CELF4: variants seen among roughly 807,000 people sequenced by gnomAD.
CELF4 encodes the protein CUG-BP- and ETR-3-like factor 4.
A neutral mutation model predicts 59.9 loss-of-function variants in CELF4; 18 were observed. The observed-to-expected ratio is 0.30, with a 90% CI of 0.21 to 0.45. The LOEUF is 0.45. CELF4 is among the 20% of genes least tolerant of loss of function. The pLI is 1.00. For synonymous variants in CELF4, 261 were observed against 267.1 expected (o/e 0.98, Z 0.22); for missense variants, 456 against 689.0 (o/e 0.66, Z 3.79).
chr18:37,317,921 G>A (rs770858496), intron 3 of CELF4, among the ~76,000 whole-genome samples: 1 of 152,178 alleles, frequency 6.6e-6, no homozygotes, highest in Non-Finnish European at 1.5e-5. Context: ...CCTGAGATGG[G>A]GGATGAGAAG....
rs561823142 is a variant in CELF4 at position 37,559,296 on chromosome 18, G to C, written c.286+6060C>G. On this transcript the variant is annotated intron_variant, in intron 1 of 12. Transcript: ENST00000420428. ...CACTTGCATCTGTCATCTCTTCCCT[G>C]TGTGTGTGTATGCACACACACATGC... 2.6e-5 allele frequency among the ~76,000 whole-genome samples: 4 copies of C among 151,932 alleles called. No individual in the cohort carries two copies. The East Asian group carries it at 7.8e-4, about 30-fold the overall frequency.
chr18:37,312,418 A>G (rs72883680), intron 3 of CELF4, among the ~76,000 whole-genome samples: 10,114 of 152,300 alleles, frequency 0.066, 446 homozygotes, highest in Middle Eastern at 0.13. Context: ...CTGCCCGGCC[A>G]TGCTGTCTTA....
chr18:37,526,151 G>T (rs1397002775), intron 1 of CELF4, among the ~76,000 whole-genome samples: 1 of 152,216 alleles, frequency 6.6e-6, no homozygotes, highest in African/African-American at 2.4e-5. Flanking sequence ...CACATGGCCA[G>T]ATGGTAGCAG....
At chr18:37,312,110 C>CAAAAAAAAAAA (rs59872500) in intron 3 of CELF4, among the ~76,000 whole-genome samples, 1 of 50,774 alleles carries the variant, frequency 2.0e-5, no homozygotes, top group African/African-American at 7.2e-5. Context: ...GATTCCGTCT[C>CAAAAAAAAAAA]AAAAAAAAAA....
chr18:37,331,256 C>T (rs115870070), intron 2 of CELF4, among the ~76,000 whole-genome samples: 135 of 152,308 alleles, frequency 8.9e-4, no homozygotes, highest in African/African-American at 3.2e-3. Context: ...ACCATCTCCC[C>T]ATACTGGCTG....
intron 3 of CELF4, among the ~76,000 whole-genome samples, chr18:37,304,204 C>G (rs1206525322): frequency 6.6e-6 from 1 of 152,262 alleles, no homozygotes; most frequent in South Asian, 2.1e-4. Context: ...GGCATCCATT[C>G]TTTGCCGGAA....
chr18:37,259,367 G>A (rs1403007685), intron 10 of CELF4, 103 bp from the exon 11 acceptor site: 92 of 427,988 alleles, frequency 2.1e-4, no homozygotes, highest in Non-Finnish European at 3.3e-4. Flanking sequence ...GCAGGGAGGG[G>A]TGGGGGCAAG....
intron 2 of CELF4, among the ~76,000 whole-genome samples, chr18:37,425,879 TTC>T (rs1158578180): frequency 6.6e-6 from 1 of 152,224 alleles, no homozygotes; most frequent in Non-Finnish European, 1.5e-5. Flanking sequence ...AGAGAGTTGG[TTC>T]TCTGTTAGGT....
intron 2 of CELF4, among the ~76,000 whole-genome samples, chr18:37,363,780 C>G (rs1240596872): frequency 6.6e-6 from 1 of 152,202 alleles, no homozygotes; most frequent in African/African-American, 2.4e-5. Context: ...CTGGACAGTG[C>G]CTGGTCCCCT....
At chr18:37,565,136 A>T (rs1210702473) in intron 1 of CELF4, among the ~76,000 whole-genome samples, 1 of 151,956 alleles carries the variant, frequency 6.6e-6, no homozygotes, top group African/African-American at 2.4e-5. Flanking sequence ...TCTCCATGGC[A>T]TCGTTCCTAT....
intron 2 of CELF4, among the ~76,000 whole-genome samples, chr18:37,359,695 C>T (rs929817255): frequency 5.3e-5 from 8 of 152,078 alleles, no homozygotes; most frequent in Non-Finnish European, 7.4e-5. Context: ...ACTACAGGCA[C>T]GTGCCAACAT....
intron 2 of CELF4, among the ~76,000 whole-genome samples, chr18:37,423,612 C>T (rs146567975): frequency 2.0e-5 from 3 of 152,082 alleles, no homozygotes; most frequent in East Asian, 3.9e-4. Flanking sequence ...GGCAGGTGGG[C>T]GAAGCTATTC....
intron 3 of CELF4, among the ~76,000 whole-genome samples, chr18:37,280,636 C>T (rs946635684): frequency 6.6e-6 from 1 of 152,186 alleles, no homozygotes; most frequent in Non-Finnish European, 1.5e-5. Flanking sequence ...GTGCATGGGA[C>T]ATATGCAGGG....
chr18:37,435,645 A>G (rs959434639), intron 2 of CELF4, among the ~76,000 whole-genome samples: 9 of 152,164 alleles, frequency 5.9e-5, no homozygotes, highest in African/African-American at 2.2e-4. Flanking sequence ...GCAATGATTC[A>G]TCACTCAGGT....
chr18:37,433,575 T>C (rs539917024), intron 2 of CELF4, among the ~76,000 whole-genome samples: 40 of 152,318 alleles, frequency 2.6e-4, no homozygotes, highest in African/African-American at 9.6e-4. Flanking sequence ...AGCTTTTGTT[T>C]TTGGGAGTTA....
chr18:37,432,042 G>A (rs2099670297), intron 2 of CELF4, among the ~76,000 whole-genome samples: 7 of 152,348 alleles, frequency 4.6e-5, no homozygotes, highest in Middle Eastern at 3.4e-3. Context: ...GTCTATTGCT[G>A]TCTCTGGGCC....
chr18:37,272,323 T>C (rs2091639351), intron 7 of CELF4, among the ~76,000 whole-genome samples: 1 of 152,106 alleles, frequency 6.6e-6, no homozygotes, highest in South Asian at 2.1e-4. Flanking sequence ...TCAGTAGCAA[T>C]CCCCACTCCC....
At chr18:37,433,030 A>G (rs928178305) in intron 2 of CELF4, among the ~76,000 whole-genome samples, 5 of 152,158 alleles carry the variant, frequency 3.3e-5, no homozygotes, top group African/African-American at 1.2e-4. Flanking sequence ...CCTATCTCCA[A>G]CATGATACAA....
intron 2 of CELF4, among the ~76,000 whole-genome samples, chr18:37,350,430 G>T (rs2098415959): frequency 1.3e-5 from 2 of 152,180 alleles, no homozygotes; most frequent in Non-Finnish European, 2.9e-5. Context: ...CTGCTGGCCT[G>T]TGAATGGCTG....
Sources: allele counts gnomAD v4.1 joint callset (sites outside exome capture counted in the v4.1 genomes callset), GRCh38; gene constraint gnomAD v4.1.1; transcripts MANE v1.5; gene names NCBI Gene and HGNC (gene_info 2026-07-23, HGNC 2026-07-21).